KAZN: variants seen among roughly 807,000 people sequenced by gnomAD.
KAZN encodes the protein kazrin.
In KAZN, 40 loss-of-function variants were observed where a neutral mutation model predicts 87.4. That is an observed-to-expected ratio of 0.46 (90% CI 0.36 to 0.60). The LOEUF (loss-of-function observed/expected upper bound fraction) is 0.60, where lower values mean the gene tolerates loss of function less well. KAZN is among the 20% of genes least tolerant of loss of function. KAZN has a pLI of 0.00. For missense variants in KAZN, 898 were observed against 1,073.9 expected (o/e 0.84, Z 2.29); for synonymous variants, 466 against 458.3 (o/e 1.02, Z -0.22).
chr1:14,574,645 C>T (rs1455744891), intron 2 of KAZN, among the ~76,000 whole-genome samples: 1 of 152,142 alleles, frequency 6.6e-6, no homozygotes, highest in Admixed American at 6.5e-5. Context: ...TACCCAGTCT[C>T]GGGTATGTCT....
chr1:14,917,878 CT>C (rs1177607132), intron 1 of KAZN, among the ~76,000 whole-genome samples: 1 of 151,726 alleles, frequency 6.6e-6, no homozygotes, highest in African/African-American at 2.4e-5. Context: ...TCCTTTCTTT[CT>C]TTCTTTCTTT....
chr1:14,783,893 G>A (rs1557486013), intron 1 of KAZN, among the ~76,000 whole-genome samples: 1 of 152,102 alleles, frequency 6.6e-6, no homozygotes, highest in East Asian at 1.9e-4. Context: ...GATGAATAGA[G>A]GTTATGAGGA....
rs116956261 is a variant in KAZN, at chr1:14,298,133, G to C, written c.249+117541G>C. ...CCAACTACTTGGGGGGCTGAGGCCA[G>C]AGGATTGCTTGAACCCAGGAGGTCG... On this transcript the variant is annotated intron_variant, in intron 2 of 16. Transcript: ENST00000636203. Among the ~76,000 whole-genome samples the C allele has an allele frequency of 6.8e-3, 1,033 of 152,272 alleles. 29 individuals carry two copies. The highest frequency in any genetic ancestry group is 0.036 in the East Asian group (187 of 5,178).
chr1:14,322,974 G>T (rs1006279638), intron 2 of KAZN, among the ~76,000 whole-genome samples: 1 of 152,184 alleles, frequency 6.6e-6, no homozygotes, highest in Non-Finnish European at 1.5e-5. Context: ...GAGGAAGCAA[G>T]GCACCTTCTT....
intron 1 of KAZN, among the ~76,000 whole-genome samples, chr1:14,952,487 A>G (rs7518222): frequency 0.14 from 21,098 of 151,868 alleles, 4,883 homozygotes; most frequent in African/African-American, 0.48. Flanking sequence ...CTACTGCTAT[A>G]TTTAGATTTT....
chr1:14,326,635 C>A (rs1222040578), intron 2 of KAZN, among the ~76,000 whole-genome samples: 1 of 152,152 alleles, frequency 6.6e-6, no homozygotes, highest in South Asian at 2.1e-4. Context: ...CCTCATGCTC[C>A]CCTGGTACCT....
chr1:14,238,091 G>A (rs1442450520), intron 2 of KAZN, among the ~76,000 whole-genome samples: 1 of 152,146 alleles, frequency 6.6e-6, no homozygotes, highest in Non-Finnish European at 1.5e-5. Context: ...GCCATTTGAA[G>A]TGTACAATTC....
rs3032757 is a variant in KAZN, at chr1:14,789,760, C to CAAAAAAA, written c.227-170893_227-170887dup. ...GCAAGGACTCTAAGCTCCTCATTAC[C>CAAAAAAA]AAAAAAAAAAAAAAAAAAAAAAAAA... On this transcript the variant is annotated intron_variant, in intron 1 of 14. Coordinates refer to ENST00000376030, the MANE Select transcript of KAZN (RefSeq NM_201628.3). Among the ~76,000 whole-genome samples the CAAAAAAA allele has an allele frequency of 6.7e-4, 31 of 46,252 alleles. 10 individuals are homozygous for CAAAAAAA. Among genetic ancestry groups the CAAAAAAA allele is most frequent in the African/African-American group, 1.9e-3 (23 of 12,020 alleles). The allele number at this position is 46,252 out of a possible 152,430, so 30.3% of individuals were successfully genotyped here. A position where few individuals can be genotyped will look rare whatever the true frequency, so the allele number is the denominator to read the frequency against.
chr1:14,496,422 A>G (rs1669946068), intron 2 of KAZN, among the ~76,000 whole-genome samples: 1 of 152,226 alleles, frequency 6.6e-6, no homozygotes, highest in Non-Finnish European at 1.5e-5. Flanking sequence ...ATTGATATTC[A>G]TAGACTCGTT....
intron 1 of KAZN, among the ~76,000 whole-genome samples, chr1:14,864,817 C>A (rs1007174156): frequency 6.6e-6 from 1 of 152,116 alleles, no homozygotes; most frequent in African/African-American, 2.4e-5. Context: ...GCTATCACTT[C>A]CCCTCTCAGA....
chr1:14,944,446 CG>C (rs56809319), intron 1 of KAZN, among the ~76,000 whole-genome samples: 5,436 of 152,312 alleles, frequency 0.036, 307 homozygotes, highest in African/African-American at 0.12. Context: ...ATGCCTGCCA[CG>C]GCCCCTGGAG....
At chr1:15,045,552 C>T (rs1234523451) in intron 4 of KAZN, among the ~76,000 whole-genome samples, 1 of 152,240 alleles carries the variant, frequency 6.6e-6, no homozygotes, top group Non-Finnish European at 1.5e-5. Flanking sequence ...TAAGAACAGT[C>T]AGCGAGCACA....
At chr1:14,291,151 TGAG>T (rs1653657486) in intron 2 of KAZN, among the ~76,000 whole-genome samples, 1 of 152,218 alleles carries the variant, frequency 6.6e-6, no homozygotes, top group African/African-American at 2.4e-5. Flanking sequence ...GGGACCCACT[TGAG>T]GAGGCAGACT....
At chr1:14,971,661 G>GTT (rs111599289) in intron 2 of KAZN, among the ~76,000 whole-genome samples, 50 of 116,538 alleles carry the variant, frequency 4.3e-4, no homozygotes, top group Middle Eastern at 4.6e-3. Flanking sequence ...ACCAGGAGTT[G>GTT]TTTTTTTTTT....
intron 1 of KAZN, among the ~76,000 whole-genome samples, chr1:14,953,743 G>C (rs1016145020): frequency 4.6e-5 from 7 of 152,180 alleles, no homozygotes; most frequent in Non-Finnish European, 1.5e-5. Context: ...TTAGCAGTCT[G>C]AGAGGTCGCC....
rs1639825874 is a variant in KAZN, at chr1:15,077,829, C to T, written c.1222+12076C>T. ...GAGGAATGGGGACAAAGACTGGCTTCATGGGAGCAGGAGAGGTAGCAGGGG... is the reference window on the plus strand; with the variant it reads ...GAGGAATGGGGACAAAGACTGGCTTTATGGGAGCAGGAGAGGTAGCAGGGG... On this transcript the variant is annotated intron_variant, in intron 8 of 14. Transcript: ENST00000376030. This position sits in a 1 kb window ranked among gnomAD's most constrained non-coding sequence, Gnocchi z 4.8. 6.6e-6 allele frequency among the ~76,000 whole-genome samples: 1 copy of T among 152,160 alleles called. No individual in the cohort carries two copies. The highest frequency in any genetic ancestry group is 2.4e-5 in the African/African-American group (1 of 41,436).
At chr1:14,328,088 A>C (rs952596537) in intron 2 of KAZN, among the ~76,000 whole-genome samples, 1 of 152,206 alleles carries the variant, frequency 6.6e-6, no homozygotes, top group African/African-American at 2.4e-5. Context: ...ACTATAGACC[A>C]GGCGGAAAAT....
intron 2 of KAZN, among the ~76,000 whole-genome samples, chr1:14,591,515 G>A (rs1249346691): frequency 6.6e-6 from 1 of 151,914 alleles, no homozygotes; most frequent in Non-Finnish European, 1.5e-5. Context: ...GAGACTTTAA[G>A]TATATATGCT....
At chr1:14,630,479 G>T (rs531094502) in intron 1 of KAZN, among the ~76,000 whole-genome samples, 7 of 152,206 alleles carry the variant, frequency 4.6e-5, no homozygotes, top group African/African-American at 1.7e-4. Context: ...TTGAGCCCAG[G>T]TGTTCAAGAC....
Sources: allele counts gnomAD v4.1 joint callset (sites outside exome capture counted in the v4.1 genomes callset), GRCh38; gene constraint gnomAD v4.1.1; non-coding constraint Gnocchi (gnomAD v3.1); transcripts MANE v1.5; gene names NCBI Gene and HGNC (gene_info 2026-07-23, HGNC 2026-07-21).